The following CRADD variants were observed in gnomAD, a reference collection of about 807,000 sequenced individuals.
CRADD encodes the protein CARD and death domain containing adaptor protein, also known as death domain-containing protein CRADD.
Under a neutral mutation model 15.5 loss-of-function variants are expected in CRADD, and 9 were observed. That is an observed-to-expected ratio of 0.58 (90% CI 0.35 to 1.01). CRADD has a LOEUF of 1.01. Ranked by LOEUF, CRADD falls within the 50% of genes least tolerant of loss-of-function variation. The pLI is 0.02. For synonymous variants in CRADD, 118 were observed against 107.6 expected (o/e 1.10, Z -0.60); for missense variants, 227 against 250.3 (o/e 0.91, Z 0.63).
intron 1 of CRADD, chr12:93,677,694 C>T (rs1363237877): frequency 6.6e-6 from 1 of 152,268 alleles, no homozygotes; most frequent in African/African-American, 2.4e-5. Flanking sequence ...GCAGAAACCG[C>T]CCGTAGTCTT....
intron 2 of CRADD, among the ~76,000 whole-genome samples, chr12:93,859,907 T>TA (rs1177173304): frequency 4.0e-5 from 6 of 150,892 alleles, no homozygotes; most frequent in Non-Finnish European, 5.9e-5. Context: ...TTTTTTTTTT[T>TA]TATATAGAGA....
At chr12:93,870,093 G>A (rs1002047730) in intron 2 of CRADD, among the ~76,000 whole-genome samples, 1 of 152,144 alleles carries the variant, frequency 6.6e-6, no homozygotes, top group Non-Finnish European at 1.5e-5. Context: ...CACTGAAAAT[G>A]ATTCATCAGA....
intron 2 of CRADD, among the ~76,000 whole-genome samples, chr12:93,775,454 T>TTAA (rs1957131224): frequency 6.6e-6 from 1 of 152,202 alleles, no homozygotes; most frequent in South Asian, 2.1e-4. Flanking sequence ...GATGTACTAT[T>TTAA]TAGAGCTGAG....
chr12:93,691,315 G>A (rs1455478898), intron 2 of CRADD, among the ~76,000 whole-genome samples: 4 of 150,646 alleles, frequency 2.7e-5, no homozygotes, highest in Admixed American at 2.0e-4. Flanking sequence ...GTGCAATGGC[G>A]CGATCCTGGC....
At chr12:93,823,024 G>T (rs1179359340) in intron 2 of CRADD, among the ~76,000 whole-genome samples, 1 of 152,220 alleles carries the variant, frequency 6.6e-6, no homozygotes, top group Non-Finnish European at 1.5e-5. Context: ...GCCGGGCACG[G>T]TGGCTCATGC....
chr12:93,889,132 G>C (rs1466460561), intron 2 of CRADD, among the ~76,000 whole-genome samples: 1 of 152,280 alleles, frequency 6.6e-6, no homozygotes, highest in East Asian at 1.9e-4. Flanking sequence ...AGCTCCAGCA[G>C]CCCTGTCTTC....
In CRADD at chr12:93,738,055, G is replaced by C. The variant is rs188799463; in HGVS notation, c.298+58983G>C. 3.9e-3 allele frequency: 1,840 copies of C among 465,846 alleles called. 10 individuals carry two copies. The highest frequency in any genetic ancestry group is 3.4e-3 in the Non-Finnish European group (904 of 267,956). The allele number at this position is 465,846 out of a possible 1,614,324, so 28.9% of individuals were successfully genotyped here. On this transcript the variant is annotated intron_variant, in intron 2 of 2. Transcript: ENST00000332896. Reference sequence around the variant, plus strand: ...GCAAGCAGGAGAGTTTCATAAACAGGTCCCTTTCTATTCGTTTTTACTGTA... The same window carrying C: ...GCAAGCAGGAGAGTTTCATAAACAGCTCCCTTTCTATTCGTTTTTACTGTA...
chr12:93,846,203 C>T (rs1339049517), intron 2 of CRADD, among the ~76,000 whole-genome samples: 2 of 152,208 alleles, frequency 1.3e-5, no homozygotes, highest in Non-Finnish European at 2.9e-5. Context: ...CAGTTTGCTT[C>T]CACCTTTGGC....
intron 2 of CRADD, among the ~76,000 whole-genome samples, chr12:93,762,535 G>T (rs1318679301): frequency 6.6e-6 from 1 of 152,194 alleles, no homozygotes; most frequent in Non-Finnish European, 1.5e-5. Flanking sequence ...CAAATATTTG[G>T]CTGAGGCAAG....
chr12:93,735,740 A>C (rs1049220991), intron 2 of CRADD: 30 of 152,138 alleles, frequency 2.0e-4, no homozygotes, highest in African/African-American at 7.0e-4. Context: ...ATCTCTACAA[A>C]AAGAAAGAAA....
At chr12:93,856,602 A>G (rs1593048086) in intron 2 of CRADD, among the ~76,000 whole-genome samples, 1 of 152,200 alleles carries the variant, frequency 6.6e-6, no homozygotes, top group African/African-American at 2.4e-5. Context: ...CATTTAATTT[A>G]TTTTACATCC....
chr12:93,819,756 A>G (rs755369494), intron 2 of CRADD, among the ~76,000 whole-genome samples: 8 of 152,266 alleles, frequency 5.3e-5, no homozygotes, highest in Non-Finnish European at 8.8e-5. Flanking sequence ...GTTGCACCAC[A>G]TAACCGAAGG....
In CRADD at chr12:93,772,610, T is replaced by A. The variant is rs1217949675; in HGVS notation, c.299-77360T>A. On this transcript the variant is annotated intron_variant, in intron 2 of 2. Transcript: ENST00000332896. ...AGCATTTAAATATCACTCTTAATGA[T>A]GTTAGATTGACTCTTTTAAGGGAAA... 5.3e-5 allele frequency among the ~76,000 whole-genome samples: 8 copies of A among 152,348 alleles called. No individual in the cohort carries two copies. The East Asian group carries it at 1.5e-3, about 29-fold the overall frequency.
intron 2 of CRADD, among the ~76,000 whole-genome samples, chr12:93,878,953 A>G (rs1383165702): frequency 6.6e-6 from 1 of 152,190 alleles, no homozygotes; most frequent in African/African-American, 2.4e-5. Context: ...TGGGGGGAAG[A>G]TAGGTGGCAC....
intron 2 of CRADD, among the ~76,000 whole-genome samples, chr12:93,775,786 A>G (rs185439026): frequency 8.6e-4 from 131 of 152,238 alleles, no homozygotes; most frequent in African/African-American, 3.0e-3. Flanking sequence ...CATTTTCAGC[A>G]TCATTAGCTC....
At chr12:93,878,610 A>G (rs753703928) in intron 2 of CRADD, among the ~76,000 whole-genome samples, 1 of 151,628 alleles carries the variant, frequency 6.6e-6, no homozygotes, top group African/African-American at 2.4e-5. Context: ...AAGTTTATTT[A>G]GAAACACAGC....
intron 2 of CRADD, among the ~76,000 whole-genome samples, chr12:93,721,963 T>C (rs1956273426): frequency 6.6e-6 from 1 of 152,222 alleles, no homozygotes; most frequent in Admixed American, 6.5e-5. Flanking sequence ...ATCTTATTTC[T>C]GACCTAACAT....
intron 2 of CRADD, among the ~76,000 whole-genome samples, chr12:93,682,575 C>T (rs778496845): frequency 2.0e-5 from 3 of 152,032 alleles, no homozygotes; most frequent in African/African-American, 7.2e-5. Flanking sequence ...TTTTAATTTT[C>T]GTTGTTTCAC....
At chr12:93,872,057 A>G (rs1401156694) in intron 2 of CRADD, among the ~76,000 whole-genome samples, 1 of 152,156 alleles carries the variant, frequency 6.6e-6, no homozygotes, top group South Asian at 2.1e-4. Flanking sequence ...TTTTCTCTAC[A>G]TACTGGCCAA....
Sources: allele counts gnomAD v4.1 joint callset (sites outside exome capture counted in the v4.1 genomes callset), GRCh38; gene constraint gnomAD v4.1.1; transcripts MANE v1.5; gene names NCBI Gene and HGNC (gene_info 2026-07-23, HGNC 2026-07-21).